The following SHTN1 variants were observed in gnomAD, a reference collection of about 807,000 sequenced individuals.
SHTN1 encodes the protein shootin 1.
SHTN1 carries 42 observed loss-of-function variants against 83.1 expected under a neutral mutation model. That is an observed-to-expected ratio of 0.51 (90% CI 0.39 to 0.65). The LOEUF (loss-of-function observed/expected upper bound fraction) is 0.65. Among genes scored for constraint, SHTN1 ranks in the 30% least tolerant of loss-of-function variants. The pLI, the probability that SHTN1 is intolerant of heterozygous loss-of-function variation, is 0.00. For missense variants in SHTN1, 622 were observed against 737.8 expected, an observed-to-expected ratio of 0.84 and a Z score of 1.82; for synonymous variants, 224 against 247.7, an observed-to-expected ratio of 0.90 and a Z score of 0.90.
intron 1 of SHTN1, among the ~76,000 whole-genome samples, chr10:116,998,540 T>C (rs1298382342): frequency 2.0e-5 from 3 of 152,216 alleles, no homozygotes; most frequent in African/African-American, 7.2e-5. Flanking sequence ...AATTAAACTT[T>C]ATCACAGATA....
chr10:116,934,892 G>A (rs1054865412), intron 9 of SHTN1, among the ~76,000 whole-genome samples: 6 of 152,116 alleles, frequency 3.9e-5, no homozygotes, highest in Non-Finnish European at 8.8e-5. Context: ...CACATCCCTT[G>A]TAAGTTGTAT....
intron 1 of SHTN1, among the ~76,000 whole-genome samples, chr10:117,115,846 C>G (rs568277382): frequency 4.6e-5 from 7 of 152,288 alleles, no homozygotes; most frequent in African/African-American, 1.7e-4. Context: ...CTCTCAATAG[C>G]TCTACAGACA....
chr10:117,053,024 A>AAAAAAAAAAAAAAAAAAAAAAAAAAAAG (rs1554934278), intron 1 of SHTN1, among the ~76,000 whole-genome samples: 11,256 of 50,398 alleles, frequency 0.22, 4,465 homozygotes, highest in Non-Finnish European at 0.51. Context: ...TGTCTCAAAA[A>AAAAAAAAAAAAAAAAAAAAAAAAAAAAG]AAAAAAGAAT....
intron 1 of SHTN1, among the ~76,000 whole-genome samples, chr10:117,073,586 T>G (rs1003819027): frequency 6.6e-6 from 1 of 152,182 alleles, no homozygotes; most frequent in Non-Finnish European, 1.5e-5. Context: ...CACTTTTGCA[T>G]TTCATTGATT....
chr10:116,973,980 T>G (rs968732025), intron 2 of SHTN1: 4 of 1,208,164 alleles, frequency 3.3e-6, no homozygotes, highest in Non-Finnish European at 4.3e-6. Flanking sequence ...TCTACACTCT[T>G]ATCCCTAAAG....
chr10:116,916,628 T>TTA, intron 12 of SHTN1, among the ~76,000 whole-genome samples: 1 of 152,328 alleles, frequency 6.6e-6, no homozygotes, highest in East Asian at 1.9e-4. Flanking sequence ...AGCTCTAGTA[T>TTA]TAGGCTTTGC....
chr10:117,061,900 G>A (rs964506115), intron 1 of SHTN1, among the ~76,000 whole-genome samples: 1 of 152,162 alleles, frequency 6.6e-6, no homozygotes, highest in Admixed American at 6.5e-5. Flanking sequence ...TCTTACTGAC[G>A]TGTGCACAAT....
At chr10:116,925,742 A>G (rs1589812541) in intron 11 of SHTN1, among the ~76,000 whole-genome samples, 1 of 152,322 alleles carries the variant, frequency 6.6e-6, no homozygotes, top group Admixed American at 6.5e-5. Flanking sequence ...CAAAGTGACC[A>G]AGGTTTGCCT....
intron 2 of SHTN1, among the ~76,000 whole-genome samples, chr10:117,029,466 T>C (rs540412072): frequency 4.6e-5 from 7 of 152,230 alleles, no homozygotes; most frequent in African/African-American, 1.4e-4. Context: ...TTTGGGAAGG[T>C]CTGGGGCAGA....
At chr10:117,029,850 C>G (rs944535308) in intron 2 of SHTN1, among the ~76,000 whole-genome samples, 1 of 151,448 alleles carries the variant, frequency 6.6e-6, no homozygotes, top group African/African-American at 2.4e-5. Flanking sequence ...TTCTTTCTCT[C>G]TCTCTCTCTC....
intron 8 of SHTN1, among the ~76,000 whole-genome samples, chr10:116,943,101 C>T (rs537247780): frequency 1.4e-4 from 22 of 152,306 alleles, no homozygotes; most frequent in African/African-American, 5.1e-4. Flanking sequence ...AATATTTATG[C>T]TGCCAATAAC....
intron 1 of SHTN1, among the ~76,000 whole-genome samples, chr10:116,995,256 T>A (rs1589880753): frequency 2.0e-5 from 3 of 152,256 alleles, no homozygotes; most frequent in Admixed American, 2.0e-4. Context: ...CAAAAAGAAC[T>A]CTGACCTGTA....
intron 1 of SHTN1, among the ~76,000 whole-genome samples, chr10:117,114,041 C>T (rs1396898924): frequency 2.6e-5 from 4 of 151,840 alleles, no homozygotes; most frequent in East Asian, 1.9e-4. Flanking sequence ...AGCGAGACTC[C>T]GTCTCAAAAA....
intron 1 of SHTN1, chr10:117,048,530 T>C (rs1852699376): frequency 1.1e-6 from 1 of 951,756 alleles, no homozygotes; most frequent in Non-Finnish European, 1.3e-6. Flanking sequence ...ATTAAACACT[T>C]AGCATGGCAT....
chr10:116,960,273 G>C (rs1289037242), intron 3 of SHTN1, 43 bp from the exon 4 acceptor site: 1 of 1,111,090 alleles, frequency 9.0e-7, no homozygotes, highest in Non-Finnish European at 1.4e-6. Flanking sequence ...TCAAAGATTA[G>C]TCAGCTATTC....
intron 16 of SHTN1, among the ~76,000 whole-genome samples, chr10:116,893,575 T>TACACAC (rs1564861763): frequency 1.4e-3 from 1 of 740 alleles, no homozygotes; most frequent in Non-Finnish European, 3.2e-3. Context: ...GGCACTCATG[T>TACACAC]GCACACACAC....
upstream of SHTN1, among the ~76,000 whole-genome samples, chr10:117,006,053 G>A (rs1185985759): frequency 6.6e-6 from 1 of 152,144 alleles, no homozygotes; most frequent in East Asian, 1.9e-4. Context: ...GGTCTGCATT[G>A]TTTCAAAGGT....
At chr10:116,911,677 C>A in intron 14 of SHTN1, 113 bp downstream of exon 14, 1 of 1,575,966 alleles carries the variant, frequency 6.3e-7, no homozygotes, top group Non-Finnish European at 8.7e-7. Flanking sequence ...AAAGATGAGG[C>A]TAATTGTAAA....
chr10:116,931,025 T>C (rs1848940572), intron 9 of SHTN1, among the ~76,000 whole-genome samples: 1 of 151,746 alleles, frequency 6.6e-6, no homozygotes, highest in Admixed American at 6.6e-5. Flanking sequence ...ACAGACACTT[T>C]AATTTTTAAA....
Sources: allele counts gnomAD v4.1 joint callset (sites outside exome capture counted in the v4.1 genomes callset), GRCh38; gene constraint gnomAD v4.1.1; transcripts MANE v1.5; gene names NCBI Gene and HGNC (gene_info 2026-07-23, HGNC 2026-07-21).